AIM2: variants seen among roughly 807,000 people sequenced by gnomAD.
AIM2 encodes absent in melanoma 2, also known as interferon-inducible protein AIM2.
In AIM2, 30 loss-of-function variants were observed where a neutral mutation model predicts 27.7. That is an observed-to-expected ratio of 1.08 (90% confidence interval 0.81 to 1.47). The LOEUF is 1.47. AIM2 is among the 40% of genes most tolerant of loss of function. The pLI, the probability that AIM2 is intolerant of heterozygous loss-of-function variation, is 0.00. For synonymous variants in AIM2, 141 were observed against 145.3 expected (o/e 0.97, Z 0.21); for missense variants, 358 against 411.3 (o/e 0.87, Z 1.12).
At chr1:159,134,480 A>G (rs1557916455) in intron 1 of AIM2, among the ~76,000 whole-genome samples, 1 of 152,234 alleles carries the variant, frequency 6.6e-6, no homozygotes, top group Non-Finnish European at 1.5e-5. Flanking sequence ...TGTCTCTCCA[A>G]TTTCACTTCA....
intron 1 of AIM2, among the ~76,000 whole-genome samples, chr1:159,100,246 A>G (rs1378244322): frequency 1.3e-5 from 2 of 152,190 alleles, no homozygotes; most frequent in Non-Finnish European, 2.9e-5. Flanking sequence ...ACTTTCTCCT[A>G]TATGACACTA....
At chr1:159,113,561 A>T (rs767700366) in intron 1 of AIM2, among the ~76,000 whole-genome samples, 11 of 152,380 alleles carry the variant, frequency 7.2e-5, no homozygotes, top group African/African-American at 2.6e-4. Context: ...AGGGTTTAAA[A>T]TCGGACTACC....
At chr1:159,057,577 C>T (rs150494858), downstream of AIM2, among the ~76,000 whole-genome samples, 23 of 152,272 alleles carry the variant, frequency 1.5e-4, no homozygotes, top group East Asian at 3.9e-4. Context: ...AGGATGCTGA[C>T]GGAGATTTTT....
intron 1 of AIM2, among the ~76,000 whole-genome samples, chr1:159,100,725 C>T (rs1217316103): frequency 2.0e-5 from 3 of 152,198 alleles, no homozygotes; most frequent in African/African-American, 7.2e-5. Flanking sequence ...AGTCAAAGAC[C>T]TGGTTCTTGG....
At chr1:159,071,156 T>A (rs1220095891) in intron 2 of AIM2, among the ~76,000 whole-genome samples, 1 of 152,232 alleles carries the variant, frequency 6.6e-6, no homozygotes, top group African/African-American at 2.4e-5. Context: ...TATTTTCTCA[T>A]CTTGCTTCAT....
intron 1 of AIM2, among the ~76,000 whole-genome samples, chr1:159,083,479 A>T (rs1260419270): frequency 2.6e-5 from 4 of 152,220 alleles, no homozygotes; most frequent in Non-Finnish European, 5.9e-5. Context: ...TCCTTGTAAT[A>T]TTATTGAATT....
At chr1:159,123,937 T>G (rs1371453186) in intron 1 of AIM2, among the ~76,000 whole-genome samples, 1 of 152,222 alleles carries the variant, frequency 6.6e-6, no homozygotes, top group Non-Finnish European at 1.5e-5. Context: ...CTGGGGTATA[T>G]TTGCCACTAA....
At chr1:159,109,915 T>G (rs1280505593) in intron 1 of AIM2, among the ~76,000 whole-genome samples, 1 of 152,178 alleles carries the variant, frequency 6.6e-6, no homozygotes, top group Admixed American at 6.5e-5. Flanking sequence ...TAGTAGATGT[T>G]GGCATGGAAG....
intron 3 of AIM2, among the ~76,000 whole-genome samples, chr1:159,068,096 GC>G (rs1335995321): frequency 6.6e-6 from 1 of 152,146 alleles, no homozygotes; most frequent in Non-Finnish European, 1.5e-5. Flanking sequence ...GTGACCCAGA[GC>G]CTGGGCCTGT....
chr1:159,127,640 T>C (rs1336393593), intron 1 of AIM2, among the ~76,000 whole-genome samples: 1 of 152,216 alleles, frequency 6.6e-6, no homozygotes, highest in African/African-American at 2.4e-5. Flanking sequence ...GGATCCCTAA[T>C]GGGATTTCAT....
At chr1:159,093,961 C>T (rs1325042309) in intron 1 of AIM2, among the ~76,000 whole-genome samples, 3 of 151,054 alleles carry the variant, frequency 2.0e-5, no homozygotes, top group South Asian at 2.1e-4. Context: ...AGGATGGTCT[C>T]GATCTCCTGA....
At chr1:159,083,572 C>T (rs1557899310) in intron 1 of AIM2, among the ~76,000 whole-genome samples, 1 of 152,140 alleles carries the variant, frequency 6.6e-6, no homozygotes, top group East Asian at 1.9e-4. Flanking sequence ...AAGTATCTTC[C>T]TATTCTAAGG....
chr1:159,087,651 CA>C (rs1656948802), intron 1 of AIM2, among the ~76,000 whole-genome samples: 1 of 149,212 alleles, frequency 6.7e-6, no homozygotes, highest in Non-Finnish European at 1.5e-5. Flanking sequence ...CGGCTCACTG[CA>C]ACCTCTGCCT....
chr1:159,069,493 T>C (rs1656258683), intron 2 of AIM2, among the ~76,000 whole-genome samples: 1 of 152,056 alleles, frequency 6.6e-6, no homozygotes, highest in Non-Finnish European at 1.5e-5. Flanking sequence ...TGGAATCTTA[T>C]GTAGTAGTGA....
In AIM2 at chr1:159,066,178, G is replaced by A. The variant is rs768127211; in HGVS notation, c.548C>T (p.Thr183Ile). The A allele has an allele frequency of 2.4e-5, 38 of 1,614,056 alleles. No individual in the cohort carries two copies. The highest frequency in any genetic ancestry group is 2.6e-5 in the Non-Finnish European group (31 of 1,180,038). The change falls in exon 4 of 6, where the codon ACA becomes ATA. Residue 183 changes from threonine to isoleucine, a missense_variant. Physicochemically the swap from Thr to Ile is moderately conservative, Grantham distance 89. Coordinates refer to ENST00000368130, the MANE Select transcript of AIM2 (RefSeq NM_004833.3). Reference sequence around the variant, plus strand: ...TTTTACAAAGAAGAATTCCTTTTCTGTAGCCACTGTAGCATGAAACATCTC... The same window carrying A: ...TTTTACAAAGAAGAATTCCTTTTCTATAGCCACTGTAGCATGAAACATCTC... ...KQEMFHATVA[T>I]EKEFFFVKVF...
intron 1 of AIM2, among the ~76,000 whole-genome samples, chr1:159,111,831 CATCTATCTATCTATCTATCTATCT>C (rs55915998): frequency 4.4e-5 from 6 of 137,582 alleles, no homozygotes; most frequent in African/African-American, 1.2e-4. Context: ...ATCTATCTAT[CATCTATCTATCTATCTATCTATCT>C]ATCTATCTAT....
intron 1 of AIM2, among the ~76,000 whole-genome samples, chr1:159,089,260 G>A (rs1570957729): frequency 6.6e-6 from 1 of 152,196 alleles, no homozygotes; most frequent in East Asian, 1.9e-4. Context: ...TTTTATAGAT[G>A]AGAAAATAGA....
chr1:159,089,887 A>C (rs536308271), intron 1 of AIM2, among the ~76,000 whole-genome samples: 1 of 152,310 alleles, frequency 6.6e-6, no homozygotes, highest in South Asian at 2.1e-4. Context: ...TAGACCCTTC[A>C]ACCAGACAAC....
At chr1:159,113,575 A>G (rs1647247125) in intron 1 of AIM2, among the ~76,000 whole-genome samples, 1 of 152,236 alleles carries the variant, frequency 6.6e-6, no homozygotes, top group South Asian at 2.1e-4. Context: ...GACTACCTAC[A>G]GCTTTTTCTT....
Sources: gnomAD v4.1 joint callset for allele counts (sites outside exome capture counted in the v4.1 genomes callset) on GRCh38, gnomAD v4.1.1 for gene constraint, MANE v1.5 for transcripts, NCBI Gene and HGNC (gene_info 2026-07-23, HGNC 2026-07-21) for gene names.